NKAIN2: variants seen among roughly 807,000 people sequenced by gnomAD.
NKAIN2 encodes the protein sodium/potassium-transporting ATPase subunit beta-1-interacting protein 2.
In NKAIN2, 14 loss-of-function variants were observed where a neutral mutation model predicts 32.6. The ratio of observed to expected loss-of-function variants is 0.43; its 90% confidence interval spans 0.28 to 0.67. The LOEUF is 0.67. Among genes scored for constraint, NKAIN2 ranks in the 30% least tolerant of loss-of-function variants. The pLI is 0.17. For missense variants in NKAIN2, 198 were observed against 258.3 expected (o/e 0.77, Z 1.60); for synonymous variants, 80 against 87.2 (o/e 0.92, Z 0.46).
intron 2 of NKAIN2, among the ~76,000 whole-genome samples, chr6:124,304,791 G>T (rs760050975): frequency 5.3e-5 from 8 of 152,152 alleles, no homozygotes; most frequent in Non-Finnish European, 1.0e-4. Context: ...GTGTGTGCCT[G>T]TAGTCCTGGC....
intron 1 of NKAIN2, among the ~76,000 whole-genome samples, chr6:124,023,614 A>C (rs1324443239): frequency 6.6e-6 from 1 of 152,158 alleles, no homozygotes; most frequent in African/African-American, 2.4e-5. Context: ...CAGTGTTATC[A>C]GTAATAATAT....
chr6:124,280,410 G>C (rs1795237098), intron 1 of NKAIN2, among the ~76,000 whole-genome samples: 2 of 152,110 alleles, frequency 1.3e-5, no homozygotes, highest in Admixed American at 1.3e-4. Context: ...TAAGTGTGGA[G>C]TAAATAGAAA....
intron 3 of NKAIN2, among the ~76,000 whole-genome samples, chr6:124,391,386 T>A (rs1327303179): frequency 3.9e-5 from 6 of 152,138 alleles, no homozygotes; most frequent in Admixed American, 3.9e-4. Flanking sequence ...GGCAATTTGG[T>A]ATGATAGGAC....
chr6:124,026,118 C>T (rs1781099700), intron 1 of NKAIN2, among the ~76,000 whole-genome samples: 1 of 152,164 alleles, frequency 6.6e-6, no homozygotes, highest in African/African-American at 2.4e-5. Flanking sequence ...CTACAACTAT[C>T]CAGTTATTTC....
At chr6:123,812,227 A>T (rs893395761) in intron 1 of NKAIN2, among the ~76,000 whole-genome samples, 1 of 152,210 alleles carries the variant, frequency 6.6e-6, no homozygotes, top group Non-Finnish European at 1.5e-5. Flanking sequence ...TAGCATTTTC[A>T]GCAATACTTT....
At position 124,754,168 on chromosome 6, in the gene NKAIN2, T is replaced by A. The variant is rs118028767; in HGVS notation, c.475-37171T>A. 3.1e-4 allele frequency among the ~76,000 whole-genome samples: 47 copies of A among 152,128 alleles called. No individual in the cohort carries two copies. In the East Asian group the frequency reaches 8.9e-3, roughly 29 times the overall value. On this transcript the variant is annotated intron_variant, in intron 4 of 6. Coordinates refer to ENST00000368417, the MANE Select transcript of NKAIN2 (RefSeq NM_001040214.3). ...TACTATGACGATTGAGACTCTTACC[T>A]GAGAACCTGGAAACCTGAAGTCATT... is the stretch of plus-strand genomic sequence containing the variant.
intron 1 of NKAIN2, among the ~76,000 whole-genome samples, chr6:123,937,559 A>G (rs235687): frequency 0.42 from 63,489 of 151,986 alleles, 13,984 homozygotes; most frequent in African/African-American, 0.54. Context: ...AAATTGCTTC[A>G]TCATTACTTA....
At position 123,996,113 on chromosome 6, in the gene NKAIN2, G is replaced by A. The variant is rs369074842; in HGVS notation, c.54+191859G>A. ...CACAAAGGAAGGGTATTTGAGAAAGGAAAACAGTAATGTTAATATAAAGAT... is the reference window on the plus strand; with the variant it reads ...CACAAAGGAAGGGTATTTGAGAAAGAAAAACAGTAATGTTAATATAAAGAT... On this transcript the variant is annotated intron_variant, in intron 1 of 6. Transcript: ENST00000368417. 1.2e-3 allele frequency among the ~76,000 whole-genome samples: 177 copies of A among 152,118 alleles called. 1 individual carries two copies. The highest frequency in any genetic ancestry group is 4.1e-3 in the African/African-American group (171 of 41,518).
intron 3 of NKAIN2, among the ~76,000 whole-genome samples, chr6:124,626,808 C>T (rs557014238): frequency 2.0e-5 from 3 of 152,184 alleles, no homozygotes; most frequent in African/African-American, 4.8e-5. Flanking sequence ...AAAAACAGAC[C>T]TAGTTTTACT....
intron 3 of NKAIN2, among the ~76,000 whole-genome samples, chr6:124,510,622 C>T (rs1252688657): frequency 2.0e-5 from 3 of 152,084 alleles, no homozygotes; most frequent in Non-Finnish European, 2.9e-5. Context: ...CACAGTTAGG[C>T]GTTTAACTTG....
intron 2 of NKAIN2, among the ~76,000 whole-genome samples, chr6:124,325,969 T>C (rs1797391981): frequency 6.6e-6 from 1 of 152,090 alleles, no homozygotes. Flanking sequence ...TTTATTGAAT[T>C]AGAGTTTATA....
chr6:124,306,731 A>G (rs915895981), intron 2 of NKAIN2, among the ~76,000 whole-genome samples: 5 of 152,170 alleles, frequency 3.3e-5, no homozygotes, highest in Non-Finnish European at 7.4e-5. Context: ...AATTCTGTGC[A>G]GTGTTGCCCT....
At chr6:124,387,020 G>A (rs1230598365) in intron 3 of NKAIN2, among the ~76,000 whole-genome samples, 1 of 152,100 alleles carries the variant, frequency 6.6e-6, no homozygotes, top group Non-Finnish European at 1.5e-5. Flanking sequence ...GTGCCTCAGA[G>A]TAGATCCTTT....
chr6:124,004,869 A>G (rs886165078), intron 1 of NKAIN2, among the ~76,000 whole-genome samples: 12 of 150,914 alleles, frequency 8.0e-5, no homozygotes, highest in Non-Finnish European at 1.2e-4. Context: ...ATTAAAAAAA[A>G]AAAAGTAATA....
chr6:124,713,600 A>G (rs1177243360), intron 4 of NKAIN2, among the ~76,000 whole-genome samples: 1 of 152,186 alleles, frequency 6.6e-6, no homozygotes, highest in African/African-American at 2.4e-5. Flanking sequence ...AATGCACCCA[A>G]AAAACGGAGA....
chr6:123,999,887 C>T (rs1779799851), intron 1 of NKAIN2, among the ~76,000 whole-genome samples: 1 of 151,996 alleles, frequency 6.6e-6, no homozygotes, highest in African/African-American at 2.4e-5. Context: ...TATTTAGTTG[C>T]TGTCAATGAG....
intron 1 of NKAIN2, among the ~76,000 whole-genome samples, chr6:123,930,766 G>T (rs1776218191): frequency 6.6e-6 from 1 of 152,142 alleles, no homozygotes. Flanking sequence ...CATTTAGAAA[G>T]ATACAGAGTA....
intron 1 of NKAIN2, among the ~76,000 whole-genome samples, chr6:123,934,763 C>T (rs1370138456): frequency 2.0e-5 from 3 of 151,852 alleles, no homozygotes; most frequent in Non-Finnish European, 2.9e-5. Flanking sequence ...GGCCAGTCAC[C>T]GTGACAGTGC....
chr6:124,550,188 T>C (rs1780238518), intron 3 of NKAIN2, among the ~76,000 whole-genome samples: 2 of 152,194 alleles, frequency 1.3e-5, no homozygotes, highest in African/African-American at 4.8e-5. Flanking sequence ...ATTCAGTTAT[T>C]TAATTACCTA....
Sources: gnomAD v4.1 joint callset for allele counts (sites outside exome capture counted in the v4.1 genomes callset) on GRCh38, gnomAD v4.1.1 for gene constraint, MANE v1.5 for transcripts, NCBI Gene and HGNC (gene_info 2026-07-23, HGNC 2026-07-21) for gene names.